EYS: variants seen among roughly 807,000 people sequenced by gnomAD.
EYS encodes EGF-like photoreceptor maintenance factor, also known as protein eyes shut homolog.
In EYS, 250 loss-of-function variants were observed where a neutral mutation model predicts 282.1. The observed-to-expected ratio is 0.89, with a 90% CI of 0.80 to 0.98. EYS has a LOEUF of 0.98. Among genes scored for constraint, EYS ranks in the 50% least tolerant of loss-of-function variants. The pLI, the probability that EYS is intolerant of heterozygous loss-of-function variation, is 0.00. For synonymous variants in EYS, 1,355 were observed against 1,282.9 expected (o/e 1.06, Z -1.20); for missense variants, 4,016 against 3,709.0 (o/e 1.08, Z -2.15).
intron 19 of EYS, among the ~76,000 whole-genome samples, chr6:64,846,608 G>A (rs926012708): frequency 1.3e-5 from 2 of 151,940 alleles, no homozygotes; most frequent in African/African-American, 4.8e-5. Flanking sequence ...GACATACAAA[G>A]CCATTTCTTA....
intron 31 of EYS, among the ~76,000 whole-genome samples, chr6:64,185,711 A>T (rs368799299): frequency 7.7e-4 from 117 of 152,202 alleles, no homozygotes; most frequent in Middle Eastern, 3.4e-3. Flanking sequence ...GTGGAAAAAA[A>T]CTGTGATTTT....
At chr6:64,802,753 A>C (rs1232675147) in intron 22 of EYS, among the ~76,000 whole-genome samples, 3 of 152,238 alleles carry the variant, frequency 2.0e-5, no homozygotes, top group Non-Finnish European at 4.4e-5. Flanking sequence ...GGTTAAAATC[A>C]GTTATTTGCC....
At chr6:65,486,221 A>C (rs934260765) in intron 5 of EYS, among the ~76,000 whole-genome samples, 4 of 152,234 alleles carry the variant, frequency 2.6e-5, no homozygotes, top group Non-Finnish European at 5.9e-5. Flanking sequence ...AATAATTTTA[A>C]ATACTTATAG....
rs767478184 is a variant in EYS, at chr6:65,335,095, G to A, written c.1651C>T (p.Arg551Trp). The change falls in exon 11 of 43, where the codon CGG (arginine) becomes TGG (tryptophan). Residue 551 changes from arginine to tryptophan, a missense_variant. Arg to Trp is a moderately radical substitution (Grantham distance 101, BLOSUM62 -3). Transcript: ENST00000503581. Reference protein sequence around the residue: ...CLSEEDSQEYRYLCFLRWAGN... With the variant: ...CLSEEDSQEYWYLCFLRWAGN... ...GCCCATCTGAGAAAACATAGATACC[G>A]ATATTCCTGACTGTCTTCTTCACTC... 1.2e-5 allele frequency: 20 copies of A among 1,611,768 alleles called. No individual in the cohort carries two copies. Among genetic ancestry groups the A allele is most frequent in the Non-Finnish European group, 1.5e-5 (18 of 1,178,822 alleles).
chr6:65,490,586 T>A lies in EYS; in HGVS notation c.862+8A>T, dbSNP rs1383454323. ...GTGTATATGGTTGTATACATATGCA[T>A]TTTTTACCTGAAAATTGCTCATCAC... On this transcript the variant is annotated splice_region_variant and intron_variant, in intron 5 of 42. Coordinates refer to ENST00000503581, the MANE Select transcript of EYS (RefSeq NM_001142800.2). The A allele has an allele frequency of 6.6e-7, 1 of 1,523,494 alleles. No homozygotes were observed. Among genetic ancestry groups the A allele is most frequent in the Non-Finnish European group, 9.1e-7 (1 of 1,098,430 alleles). 94.4% of individuals were successfully genotyped at this position (1,523,494 alleles called of 1,614,324 possible). A position where few individuals can be genotyped will look rare whatever the true frequency, so the allele number is the denominator to read the frequency against.
chr6:65,405,088 A>G (rs1582248604), intron 6 of EYS, 86 bp downstream of exon 6: 2 of 904,126 alleles, frequency 2.2e-6, no homozygotes, highest in East Asian at 5.2e-5. Context: ...CTTAATAAGG[A>G]TTCTAATTAT....
At chr6:64,166,659 G>C (rs968814869) in intron 31 of EYS, among the ~76,000 whole-genome samples, 1 of 152,178 alleles carries the variant, frequency 6.6e-6, no homozygotes, top group Non-Finnish European at 1.5e-5. Context: ...GGCAAAGTTG[G>C]TGCTAATGAA....
intron 19 of EYS, among the ~76,000 whole-genome samples, chr6:64,865,708 G>GA (rs1766404279): frequency 6.6e-6 from 1 of 152,014 alleles, no homozygotes; most frequent in African/African-American, 2.4e-5. Flanking sequence ...CTGCTATCTG[G>GA]AAAAGGGAAG....
chr6:65,129,289 G>A (rs1284121891), intron 12 of EYS, among the ~76,000 whole-genome samples: 4 of 151,786 alleles, frequency 2.6e-5, no homozygotes, highest in South Asian at 4.1e-4. Flanking sequence ...ATCCTTAAAC[G>A]CAACTGCAAC....
Position 64,590,523 on chromosome 6 carries a change from G to A in EYS, c.5344C>T (p.Pro1782Ser). 6.4e-7 allele frequency: 1 copy of A among 1,551,382 alleles called. No homozygotes were observed. The highest frequency in any genetic ancestry group is 8.7e-7 in the Non-Finnish European group (1 of 1,146,796). The change falls in exon 26 of 43, where the codon CCT becomes TCT. Residue 1782 changes from proline to serine, a missense_variant. Physicochemically the swap from Pro to Ser is moderately conservative, Grantham distance 74. Coordinates refer to ENST00000503581, the MANE Select transcript of EYS (RefSeq NM_001142800.2). ...NNLPPLTGSV[P>S]DFSEVTTNVA... The stretch of plus-strand genomic sequence containing the variant: ...TTGGTGGTGACTTCTGAAAAATCAG[G>A]CACTGAGCCTGTCAATGGTGGCAGA...
chr6:64,000,169 T>TG (rs1768018396), intron 33 of EYS, among the ~76,000 whole-genome samples: 1 of 20,484 alleles, frequency 4.9e-5, no homozygotes, highest in Non-Finnish European at 8.8e-5. Flanking sequence ...GACATGGGAC[T>TG]TTTTTTTTTT....
intron 31 of EYS, among the ~76,000 whole-genome samples, chr6:64,228,395 A>C (rs1277549285): frequency 1.3e-5 from 2 of 152,192 alleles, no homozygotes; most frequent in East Asian, 3.8e-4. Flanking sequence ...ATATTATGAT[A>C]ATCTAAAAAT....
At chr6:63,840,048 CT>C (rs530439771) in intron 36 of EYS, among the ~76,000 whole-genome samples, 14,406 of 124,284 alleles carry the variant, frequency 0.12, 598 homozygotes, top group African/African-American at 0.19. Context: ...TTGCCCATTT[CT>C]TTTTTTTTTT....
At chr6:64,277,199 A>T (rs9353683) in intron 30 of EYS, among the ~76,000 whole-genome samples, 6 of 151,942 alleles carry the variant, frequency 3.9e-5, no homozygotes, top group Non-Finnish European at 7.4e-5. Context: ...TTGTCCCCCA[A>T]ATAAAAATAA....
intron 35 of EYS, among the ~76,000 whole-genome samples, chr6:63,937,886 T>G (rs1415192074): frequency 6.6e-6 from 1 of 152,226 alleles, no homozygotes; most frequent in Non-Finnish European, 1.5e-5. Context: ...TATGGTATTT[T>G]GTTACAGCAG....
At chr6:64,023,775 A>G (rs1269528735) in intron 33 of EYS, among the ~76,000 whole-genome samples, 1 of 152,070 alleles carries the variant, frequency 6.6e-6, no homozygotes, top group Admixed American at 6.5e-5. Context: ...GGAGGTGTGG[A>G]GGGACAGGCG....
chr6:63,754,047 G>A (rs1769414203), intron 41 of EYS, among the ~76,000 whole-genome samples: 1 of 152,092 alleles, frequency 6.6e-6, no homozygotes, highest in African/African-American at 2.4e-5. Flanking sequence ...GGCAATTAAA[G>A]CATTCAATAT....
intron 30 of EYS, among the ~76,000 whole-genome samples, chr6:64,272,138 G>T (rs1428174000): frequency 6.6e-6 from 1 of 152,076 alleles, no homozygotes; most frequent in Non-Finnish European, 1.5e-5. Context: ...AAAAGATATA[G>T]AAACCCATAG....
chr6:64,865,074 C>G (rs1376286462), intron 19 of EYS, among the ~76,000 whole-genome samples: 4 of 152,038 alleles, frequency 2.6e-5, no homozygotes, highest in Non-Finnish European at 5.9e-5. Flanking sequence ...TATCAAGATT[C>G]TCTATAGACC....
Sources: gnomAD v4.1 joint callset for allele counts (sites outside exome capture counted in the v4.1 genomes callset) on GRCh38, gnomAD v4.1.1 for gene constraint, MANE v1.5 for transcripts, NCBI Gene and HGNC (gene_info 2026-07-23, HGNC 2026-07-21) for gene names.